The following FBLN1 variants were observed in gnomAD, a reference collection of about 807,000 sequenced individuals.
FBLN1 encodes the protein fibulin-1.
A neutral mutation model predicts 89.7 loss-of-function variants in FBLN1; 34 were observed. That is an observed-to-expected ratio of 0.38 (90% CI 0.29 to 0.50). The LOEUF (loss-of-function observed/expected upper bound fraction) is 0.50. FBLN1 is among the 20% of genes least tolerant of loss of function. The probability of loss-of-function intolerance (pLI) is 0.92; values close to 1 mark genes in which losing one functional copy is unlikely to be tolerated. For missense variants in FBLN1, 777 were observed against 988.1 expected, an observed-to-expected ratio of 0.79 and a Z score of 2.86; for synonymous variants, 393 against 391.3, an observed-to-expected ratio of 1.00 and a Z score of -0.05.
chr22:45,503,960 G>T (rs2087983991), intron 1 of FBLN1, among the ~76,000 whole-genome samples: 1 of 152,128 alleles, frequency 6.6e-6, no homozygotes, highest in Admixed American at 6.5e-5. Context: ...GCTGCTGGGC[G>T]GCAGAGCTAT....
At chr22:45,503,177 G>A (rs1269399741) in intron 1 of FBLN1, 113 bp downstream of exon 1, 2 of 813,208 alleles carry the variant, frequency 2.5e-6, no homozygotes, top group Non-Finnish European at 3.2e-6. Context: ...TGCCCTGCGC[G>A]GCGCCCCCGG....
intron 1 of FBLN1, among the ~76,000 whole-genome samples, chr22:45,510,966 G>T (rs899548036): frequency 2.6e-5 from 4 of 152,198 alleles, no homozygotes; most frequent in African/African-American, 9.7e-5. Flanking sequence ...AGAGGTGGTG[G>T]ATGTGGTGGC....
intron 10 of FBLN1, among the ~76,000 whole-genome samples, chr22:45,542,989 A>G (rs1602192727): frequency 6.6e-6 from 1 of 152,226 alleles, no homozygotes; most frequent in African/African-American, 2.4e-5. Context: ...GCTGGAGGCC[A>G]GGCGCGATGG....
At position 45,577,362 on chromosome 22, in the gene FBLN1, C is replaced by T. The variant is rs2089006657; in HGVS notation, c.1972+254C>T. On this transcript the variant is annotated intron_variant, in intron 16 of 16. Transcript: ENST00000327858. The surrounding 1 kb of genome is among the most constrained non-coding windows in gnomAD (Gnocchi z 6.6). ...CTGGGTGACCCCTCTGGGTCTCGGTCTCCCTGCCTATAACATGGGTGGGTT... is the reference window on the plus strand; with the variant it reads ...CTGGGTGACCCCTCTGGGTCTCGGTTTCCCTGCCTATAACATGGGTGGGTT... Among the ~76,000 whole-genome samples the T allele has an allele frequency of 6.6e-6, 1 of 152,238 alleles. No individual in the cohort carries two copies. Among genetic ancestry groups the T allele is most frequent in the Non-Finnish European group, 1.5e-5 (1 of 68,054 alleles).
At chr22:45,573,149 C>T (rs1809475070) in intron 14 of FBLN1, among the ~76,000 whole-genome samples, 1 of 151,082 alleles carries the variant, frequency 6.6e-6, no homozygotes, top group Admixed American at 6.6e-5. Context: ...TTGCTTGAAC[C>T]CAGGAGGCGG....
chr22:45,591,359 G>GA (rs1476400254), intron 16 of FBLN1, among the ~76,000 whole-genome samples: 1 of 129,714 alleles, frequency 7.7e-6, no homozygotes, highest in African/African-American at 4.3e-5. Context: ...GGTGAAGGCT[G>GA]AAGGGCTTTA....
chr22:45,561,752 G>T lies in FBLN1; in HGVS notation c.1697+11137G>T, dbSNP rs2088852626. On this transcript the variant is annotated intron_variant, in intron 14 of 16. Coordinates refer to ENST00000327858, the MANE Select transcript of FBLN1 (RefSeq NM_006486.3). This position sits in a 1 kb window ranked among gnomAD's most constrained non-coding sequence, Gnocchi z 4.7. ...ATATGTATAATGGAGAGTTTATTAAGCATTAACTCACACGATCACAAGGTC... is the reference window on the plus strand; with the variant it reads ...ATATGTATAATGGAGAGTTTATTAATCATTAACTCACACGATCACAAGGTC... Among the ~76,000 whole-genome samples, 1 of 152,144 alleles carries T rather than the reference G, an allele frequency of 6.6e-6. No individual in the cohort carries two copies. The highest frequency in any genetic ancestry group is 2.4e-5 in the African/African-American group (1 of 41,424).
In FBLN1 at chr22:45,542,299, C is replaced by T. The variant is rs375397217; in HGVS notation, c.1195+16C>T. ...ATGTGTGTCGGTGCGTGGGGGGCCC[C>T]GCAGGCCTCGGGGGAACCCAGCCAC... is the stretch of plus-strand genomic sequence containing the variant. On this transcript the variant is annotated intron_variant, in intron 10 of 16. Transcript: ENST00000327858. 2.5e-5 allele frequency: 41 copies of T among 1,613,454 alleles called. No individual in the cohort carries two copies. The African/African-American group carries it at 3.3e-4, about 13-fold the overall frequency.
Position 45,550,671 on chromosome 22 carries a change from CCAGTTCCCG to C in FBLN1, c.1697+57_1697+65del. The C allele has an allele frequency of 6.2e-7, 1 of 1,613,412 alleles. No homozygotes were observed. The highest frequency in any genetic ancestry group is 1.1e-5 in the South Asian group (1 of 91,028). ...TGTCTGTGTTGGCCTTCCTGGTGAC[CCAGTTCCCG>C]GGTGGGTGGGTTATCAGGCTGTGAC... On this transcript the variant is annotated intron_variant, in intron 14 of 16. Transcript: ENST00000327858. This position sits in a 1 kb window ranked among gnomAD's most constrained non-coding sequence, Gnocchi z 8.4.
rs1329349682 is a variant in FBLN1, at chr22:45,532,082, C to T, written c.544+758C>T. Among the ~76,000 whole-genome samples the T allele has an allele frequency of 2.0e-5, 3 of 152,236 alleles. No individual in the cohort carries two copies. The highest frequency in any genetic ancestry group is 2.0e-4 in the Admixed American group (3 of 15,290). ...TGTCTAGACCTGCAGATCTGCCTCA[C>T]AAGCTCTTTCAGTGGTTCCCCCTGT... On this transcript the variant is annotated intron_variant, in intron 5 of 16. Transcript: ENST00000327858. This position sits in a 1 kb window ranked among gnomAD's most constrained non-coding sequence, Gnocchi z 4.2.
In FBLN1 at chr22:45,545,209, T is replaced by G. The variant is rs560034392; in HGVS notation, c.1321+1683T>G. Among the ~76,000 whole-genome samples, 84 of 152,248 alleles carry G rather than the reference T, an allele frequency of 5.5e-4. No individual in the cohort carries two copies. Among genetic ancestry groups the G allele is most frequent in the Non-Finnish European group, 1.0e-3 (71 of 68,024 alleles). On this transcript the variant is annotated intron_variant, in intron 11 of 16. Transcript: ENST00000327858. This position sits in a 1 kb window ranked among gnomAD's most constrained non-coding sequence, Gnocchi z 5.9. ...ATGGACAAGGAACAAGATTCACGAG[T>G]TGAGTCTCTCAGGCTTGTGTTCAAA... is the stretch of plus-strand genomic sequence containing the variant.
chr22:45,542,721 C>T (rs936718710), intron 10 of FBLN1, among the ~76,000 whole-genome samples: 8 of 152,210 alleles, frequency 5.3e-5, no homozygotes, highest in African/African-American at 1.9e-4. Context: ...TGCCTGCTGT[C>T]ACCAAACCTA....
chr22:45,564,737 A>T, intron 14 of FBLN1: 1 of 916,936 alleles, frequency 1.1e-6, no homozygotes, highest in Non-Finnish European at 1.7e-6. Context: ...TATCTCATTC[A>T]GTGCGGTGTT....
In FBLN1 at chr22:45,547,148, A is replaced by G; in HGVS notation, c.1385A>G (p.Gln462Arg). The G allele has an allele frequency of 6.2e-7, 1 of 1,614,038 alleles. No homozygotes were observed. Among genetic ancestry groups the G allele is most frequent in the Non-Finnish European group, 8.5e-7 (1 of 1,180,012 alleles). ...QECANVYGSY[Q>R]CYCRRGYQLS... ...TGTGCCAACGTCTACGGCTCCTACC[A>G]GTGTTACTGCCGGCGAGGCTACCAG... The change falls in exon 12 of 17, where the codon CAG (glutamine) becomes CGG (arginine). Residue 462 changes from glutamine to arginine, a missense_variant. Coordinates refer to ENST00000327858, the MANE Select transcript of FBLN1 (RefSeq NM_006486.3).
intron 14 of FBLN1, chr22:45,558,667 A>AAC (rs3043803): frequency 0.66 from 100,289 of 152,108 alleles, 33,868 homozygotes; most frequent in African/African-American, 0.82. Context: ...GTGCTGGAGT[A>AAC]ACACTCAAAC....
At position 45,577,129 on chromosome 22, in the gene FBLN1, G is replaced by C. The variant is rs5765489; in HGVS notation, c.1972+21G>C. 9 of 1,613,296 alleles carry C rather than the reference G, an allele frequency of 5.6e-6. No homozygotes were observed. Among genetic ancestry groups the C allele is most frequent in the South Asian group, 1.1e-5 (1 of 91,072 alleles). The stretch of plus-strand genomic sequence containing the variant: ...CGTGGGTGAGTGGCTGGGAATATCA[G>C]CTCTATCCAGGCACCCCTCCCCCTC... On this transcript the variant is annotated intron_variant, in intron 16 of 16. Coordinates refer to ENST00000327858, the MANE Select transcript of FBLN1 (RefSeq NM_006486.3). This position sits in a 1 kb window ranked among gnomAD's most constrained non-coding sequence, Gnocchi z 6.6.
At chr22:45,546,946 C>A in intron 11 of FBLN1, 139 bp from the exon 12 acceptor site, 2 of 1,347,586 alleles carry the variant, frequency 1.5e-6, no homozygotes, top group Non-Finnish European at 2.1e-6. Flanking sequence ...CTCGGCCACA[C>A]CCCCCGGGAC....
intron 16 of FBLN1, among the ~76,000 whole-genome samples, chr22:45,594,728 G>GGATGGATA (rs1205530480): frequency 6.6e-6 from 1 of 150,416 alleles, no homozygotes; most frequent in Non-Finnish European, 1.5e-5. Context: ...ATGGATGGAT[G>GGATGGATA]GATAGATGGA....
chr22:45,570,843 G>T (rs1378883094), intron 14 of FBLN1, among the ~76,000 whole-genome samples: 8 of 152,024 alleles, frequency 5.3e-5, no homozygotes, highest in Admixed American at 4.6e-4. Flanking sequence ...AAGAAAAGGA[G>T]GAAGGCCGGG....
Sources: gnomAD v4.1 joint callset for allele counts (sites outside exome capture counted in the v4.1 genomes callset) on GRCh38, gnomAD v4.1.1 for gene constraint, Gnocchi (gnomAD v3.1) non-coding constraint, MANE v1.5 for transcripts, NCBI Gene and HGNC (gene_info 2026-07-23, HGNC 2026-07-21) for gene names.